UNG: variants seen among roughly 807,000 people sequenced by gnomAD.
UNG encodes the protein uracil-DNA glycosylase.
Under a neutral mutation model 36.5 loss-of-function variants are expected in UNG, and 34 were observed. The ratio of observed to expected loss-of-function variants is 0.93; its 90% CI spans 0.71 to 1.24. UNG has a LOEUF of 1.24. Ranked by LOEUF, UNG falls within the 50% of genes most tolerant of loss-of-function variation. The probability of loss-of-function intolerance (pLI) is 0.00; values close to 1 mark genes in which losing one functional copy is unlikely to be tolerated. For missense variants in UNG, 391 were observed against 397.6 expected (o/e 0.98, Z 0.14); for synonymous variants, 172 against 157.8 (o/e 1.09, Z -0.67).
At chr12:109,098,230 C>G (rs1462546118) in intron 1 of UNG, 3 of 1,481,502 alleles carry the variant, frequency 2.0e-6, no homozygotes, top group Non-Finnish European at 2.7e-6. Flanking sequence ...CCTCCCAGCC[C>G]GTCTCCCCGC....
Position 109,110,039 on chromosome 12 carries a change from A to T in UNG, c.*70A>T. On this transcript the variant is annotated 3_prime_UTR_variant, in exon 7 of 7. Coordinates refer to ENST00000242576, the MANE Select transcript of UNG (RefSeq NM_080911.3). Reference sequence around the variant, plus strand: ...TTGCCAGTTACGAAGTTCCACTGAAAATTTTCCTATTAATTCTTAAGTACT... The same window carrying T: ...TTGCCAGTTACGAAGTTCCACTGAATATTTTCCTATTAATTCTTAAGTACT... 1 of 1,608,782 alleles carries T rather than the reference A, an allele frequency of 6.2e-7. No individual in the cohort carries two copies. Among genetic ancestry groups the T allele is most frequent in the Non-Finnish European group, 8.5e-7 (1 of 1,177,494 alleles).
intron 6 of UNG, among the ~76,000 whole-genome samples, 163 bp downstream of exon 6, chr12:109,103,774 G>A (rs1367169266): frequency 6.6e-6 from 1 of 152,058 alleles, no homozygotes; most frequent in African/African-American, 2.4e-5. Context: ...ATTGAAAACT[G>A]AGAAGAATTT....
chr12:109,104,171 G>A (rs940254630), intron 6 of UNG, among the ~76,000 whole-genome samples: 52 of 151,634 alleles, frequency 3.4e-4, no homozygotes, highest in Non-Finnish European at 5.4e-4. Flanking sequence ...TCAGCCTCCC[G>A]AGTAGCTGGG....
chr12:109,100,146 C>G (rs760086316), intron 3 of UNG, among the ~76,000 whole-genome samples: 1 of 152,168 alleles, frequency 6.6e-6, no homozygotes, highest in Admixed American at 6.5e-5. Context: ...TCCTACCTCT[C>G]AGCCTTACCT....
rs748871049 is a variant in UNG, at chr12:109,102,017, G to A, written c.533+18G>A. On this transcript the variant is annotated intron_variant, in intron 4 of 6. Transcript: ENST00000242576. ...CCGCCCAGGTACAGTTGCTTTACAG[G>A]TGACTGCAGTCCAGACATGATTCCT... 6 of 1,606,788 alleles carry A rather than the reference G, an allele frequency of 3.7e-6. No homozygotes were observed. In the African/African-American group the frequency reaches 5.3e-5, roughly 14 times the overall value.
chr12:109,103,612 G>T lies in UNG; in HGVS notation c.801+1G>T. 1 of 1,608,796 alleles carries T rather than the reference G, an allele frequency of 6.2e-7. No homozygotes were observed. ...GAAGAAGGGCAGTGCCATTGATAGG[G>T]TATGTTTTGTTTTCTTTCTTTTTTT... On this transcript the variant is annotated splice_donor_variant, in intron 6 of 6. Transcript: ENST00000242576. LOFTEE classifies it high-confidence loss of function.
rs2042194445 is a variant in UNG at position 109,103,505 on chromosome 12, A to C, written c.695A>C (p.Glu232Ala). 1 of 1,614,188 alleles carries C rather than the reference A, an allele frequency of 6.2e-7. No homozygotes were observed. Among genetic ancestry groups the C allele is most frequent in the East Asian group, 2.2e-5 (1 of 44,888 alleles). ...QANSHKERGWEQFTDAVVSWL... is the reference protein window; with the variant it reads ...QANSHKERGWAQFTDAVVSWL... Reference sequence around the variant, plus strand: ...AACTCTCATAAGGAGCGAGGCTGGGAGCAGTTCACTGATGCAGTTGTGTCC... The same window carrying C: ...AACTCTCATAAGGAGCGAGGCTGGGCGCAGTTCACTGATGCAGTTGTGTCC... The change falls in exon 6 of 7, where the codon GAG (glutamate) becomes GCG (alanine). Residue 232 changes from glutamate to alanine, a missense_variant. Glu to Ala is a moderately radical substitution (Grantham distance 107). Coordinates refer to ENST00000242576, the MANE Select transcript of UNG (RefSeq NM_080911.3).
chr12:109,098,218 C>T (rs1001868064), intron 1 of UNG: 2 of 1,461,670 alleles, frequency 1.4e-6, no homozygotes, highest in East Asian at 2.4e-5. Context: ...AGCCATAGGG[C>T]GCCTCCCAGC....
At chr12:109,106,370 T>C (rs1053321514) in intron 6 of UNG, among the ~76,000 whole-genome samples, 1 of 152,154 alleles carries the variant, frequency 6.6e-6, no homozygotes, top group Non-Finnish European at 1.5e-5. Flanking sequence ...TGCCTGGCTT[T>C]AGTCCTCACC....
intron 6 of UNG, among the ~76,000 whole-genome samples, chr12:109,104,726 G>A (rs3219245): frequency 6.6e-6 from 1 of 152,030 alleles, no homozygotes; most frequent in African/African-American, 2.4e-5. Context: ...CGAGCCAGGG[G>A]TGTGTTCATC....
intron 1 of UNG, chr12:109,098,089 C>T: frequency 7.3e-7 from 1 of 1,369,694 alleles, no homozygotes. Flanking sequence ...GGAGAGGGGG[C>T]GGGACCCAGA....
At chr12:109,099,147 C>T in intron 2 of UNG, 42 bp from the exon 3 acceptor site, 1 of 1,561,136 alleles carries the variant, frequency 6.4e-7, no homozygotes, top group Non-Finnish European at 8.8e-7. Context: ...TTATGGTTTC[C>T]AATGAGAATC....
Position 109,102,016 on chromosome 12 carries a change from G to A in UNG, c.533+17G>A, listed in dbSNP as rs755840023. On this transcript the variant is annotated intron_variant, in intron 4 of 6. Transcript: ENST00000242576. ...TCCGCCCAGGTACAGTTGCTTTACAGGTGACTGCAGTCCAGACATGATTCC... is the reference window on the plus strand; with the variant it reads ...TCCGCCCAGGTACAGTTGCTTTACAAGTGACTGCAGTCCAGACATGATTCC... 1.2e-6 allele frequency: 2 copies of A among 1,607,370 alleles called. No homozygotes were observed. The highest frequency in any genetic ancestry group is 2.7e-5 in the African/African-American group (2 of 74,808).
chr12:109,097,728 A>T lies in UNG; in HGVS notation c.49A>T (p.Arg17Trp). The part of the protein sequence containing the change: ...LYSFFSPSPA[R>W]KRHAPSPEPA... ...CTCCTTTTTCTCCCCCAGCCCCGCC[A>T]GGAAGCGACACGCCCCCAGCCCCGA... The change falls in exon 1 of 7, where the codon AGG becomes TGG. Residue 17 changes from arginine to tryptophan, a missense_variant. Transcript: ENST00000242576. The T allele has an allele frequency of 6.3e-7, 1 of 1,589,382 alleles. No homozygotes were observed. Among genetic ancestry groups the T allele is most frequent in the Non-Finnish European group, 8.6e-7 (1 of 1,168,166 alleles).
At position 109,110,082 on chromosome 12, in the gene UNG, G is replaced by C. The variant is rs1460836094; in HGVS notation, c.*113G>C. 2 of 1,482,422 alleles carry C rather than the reference G, an allele frequency of 1.3e-6. No individual in the cohort carries two copies. The highest frequency in any genetic ancestry group is 2.2e-4 in the Middle Eastern group (1 of 4,522). 91.8% of individuals were successfully genotyped at this position (1,482,422 alleles called of 1,614,324 possible). A position where few individuals can be genotyped will look rare whatever the true frequency, so the allele number is the denominator to read the frequency against. On this transcript the variant is annotated 3_prime_UTR_variant, in exon 7 of 7. Transcript: ENST00000242576. ...TAAGTACTCTGCATAAGGGGGAAAA[G>C]CTTCCAGAAAGCAGCCATGAACCAG...
intron 6 of UNG, 127 bp downstream of exon 6, chr12:109,103,738 C>A: frequency 8.8e-7 from 1 of 1,131,398 alleles, no homozygotes; most frequent in Non-Finnish European, 1.2e-6. Context: ...TTTTATTTTC[C>A]CTTAGGCCTG....
chr12:109,106,072 T>G (rs1291951205), intron 6 of UNG, among the ~76,000 whole-genome samples: 1 of 152,186 alleles, frequency 6.6e-6, no homozygotes, highest in East Asian at 1.9e-4. Context: ...TCTTCTGGGA[T>G]TCTTTAGAGC....
intron 6 of UNG, among the ~76,000 whole-genome samples, chr12:109,106,907 A>ATATATATATG (rs2042220682): frequency 3.4e-5 from 1 of 29,688 alleles, no homozygotes; most frequent in Non-Finnish European, 5.1e-5. Context: ...ATATATACGT[A>ATATATATATG]TATATATATG....
At chr12:109,100,811 G>A (rs983457659) in intron 3 of UNG, among the ~76,000 whole-genome samples, 4 of 152,202 alleles carry the variant, frequency 2.6e-5, no homozygotes, top group African/African-American at 9.7e-5. Flanking sequence ...TCCTGGTCAT[G>A]GAACATCTGG....
Sources: gnomAD v4.1 joint callset for allele counts (sites outside exome capture counted in the v4.1 genomes callset) on GRCh38, gnomAD v4.1.1 for gene constraint, MANE v1.5 for transcripts, NCBI Gene and HGNC (gene_info 2026-07-23, HGNC 2026-07-21) for gene names.